SLC20A1: variants seen among roughly 807,000 people sequenced by gnomAD.
SLC20A1 encodes solute carrier family 20 member 1.
A neutral mutation model predicts 62.7 loss-of-function variants in SLC20A1; 28 were observed. That is an observed-to-expected ratio of 0.45 (90% CI 0.33 to 0.61). The LOEUF (loss-of-function observed/expected upper bound fraction) is 0.61. Among genes scored for constraint, SLC20A1 ranks in the 20% least tolerant of loss-of-function variants. The probability of loss-of-function intolerance (pLI) is 0.02; values close to 1 mark genes in which losing one functional copy is unlikely to be tolerated. For synonymous variants in SLC20A1, 305 were observed against 302.9 expected (o/e 1.01, Z -0.07); for missense variants, 673 against 838.6 (o/e 0.80, Z 2.44).
rs767239592 is a variant in SLC20A1 at position 112,663,752 on chromosome 2, G to A, written c.*727G>A. 3.9e-5 allele frequency: 6 copies of A among 153,064 alleles called. No individual in the cohort carries two copies. Among genetic ancestry groups the A allele is most frequent in the Admixed American group, 1.3e-4 (2 of 15,308 alleles). The allele number at this position is 153,064 out of a possible 1,614,324, so 9.5% of individuals were successfully genotyped here. On this transcript the variant is annotated 3_prime_UTR_variant, in exon 11 of 11. Transcript: ENST00000272542. ...GAAGTGGAATGTGAACTTTGGGCAA[G>A]TTAAGTGGGACAGCCTTCCATGTTC... is the stretch of plus-strand genomic sequence containing the variant.
intron 5 of SLC20A1, among the ~76,000 whole-genome samples, chr2:112,655,940 C>T: frequency 6.6e-6 from 1 of 151,848 alleles, no homozygotes. Flanking sequence ...ACCTCAGGTG[C>T]TCCACCTGTC....
intron 8 of SLC20A1, 102 bp downstream of exon 8, chr2:112,659,864 A>G (rs1294180616): frequency 5.3e-6 from 5 of 935,330 alleles, no homozygotes; most frequent in African/African-American, 3.3e-5. Context: ...CATTTACAGG[A>G]CCCCAAATAA....
chr2:112,657,733 A>G (rs1259883290), intron 6 of SLC20A1, among the ~76,000 whole-genome samples: 1 of 152,254 alleles, frequency 6.6e-6, no homozygotes, highest in African/African-American at 2.4e-5. Context: ...GCTAGAATAC[A>G]TGTAGACATT....
chr2:112,661,157 A>G lies in SLC20A1; in HGVS notation c.1809A>G (p.Glu603=). Residue 603 remains glutamate (E), a synonymous_variant, in exon 10 of 11, where the codon GAA becomes GAG. Transcript: ENST00000272542. ...PITPSSGFSI[E]LASALTVVIA... is the part of the protein sequence containing the mutation. ...GTGTCTGTAGTGGCTTCAGTATTGA[A>G]CTGGCATCTGCCCTCACTGTGGTGA... 1 of 1,614,036 alleles carries G rather than the reference A, an allele frequency of 6.2e-7. No individual in the cohort carries two copies. The highest frequency in any genetic ancestry group is 1.3e-5 in the African/African-American group (1 of 75,064).
intron 9 of SLC20A1, 66 bp downstream of exon 9, chr2:112,660,638 A>G: frequency 5.1e-6 from 7 of 1,359,282 alleles, no homozygotes; most frequent in Non-Finnish European, 6.0e-6. Context: ...AACACTGTCG[A>G]GTGCTAACAC....
intron 5 of SLC20A1, among the ~76,000 whole-genome samples, chr2:112,655,352 G>T (rs1163629720): frequency 1.3e-5 from 2 of 151,906 alleles, no homozygotes; most frequent in Admixed American, 1.3e-4. Context: ...TGACTTCATG[G>T]TTCAACCTTC....
chr2:112,650,721 T>C (rs1305644112), intron 4 of SLC20A1, among the ~76,000 whole-genome samples: 1 of 152,048 alleles, frequency 6.6e-6, no homozygotes, highest in Admixed American at 6.5e-5. Context: ...CCTCCCAGGC[T>C]CAAGTGATCC....
At chr2:112,649,304 T>C (rs1431739012) in intron 4 of SLC20A1, among the ~76,000 whole-genome samples, 1 of 152,232 alleles carries the variant, frequency 6.6e-6, no homozygotes, top group Non-Finnish European at 1.5e-5. Context: ...ATTGGCATAG[T>C]GTTTAAAACA....
chr2:112,653,037 G>C, intron 5 of SLC20A1: 2 of 905,202 alleles, frequency 2.2e-6, no homozygotes, highest in Non-Finnish European at 3.4e-6. Context: ...AGTCTTCACA[G>C]GATCCACTGA....
chr2:112,655,552 T>C (rs1417184510), intron 5 of SLC20A1, among the ~76,000 whole-genome samples: 2 of 151,800 alleles, frequency 1.3e-5, no homozygotes, highest in Non-Finnish European at 2.9e-5. Flanking sequence ...ACCTTTTTTG[T>C]TTTTCAGGGA....
rs769550112 is a variant in SLC20A1, at chr2:112,647,040, C to T, written c.212C>T (p.Thr71Ile). The T allele has an allele frequency of 5.0e-6, 8 of 1,614,054 alleles. No individual in the cohort carries two copies. The highest frequency in any genetic ancestry group is 6.8e-6 in the Non-Finnish European group (8 of 1,180,044). Reference sequence around the variant, plus strand: ...TGCATCCTAGCTAGCATCTTTGAAACAGTGGGCTCTGTCTTACTGGGGGCC... The same window carrying T: ...TGCATCCTAGCTAGCATCTTTGAAATAGTGGGCTCTGTCTTACTGGGGGCC... ...QACILASIFE[T>I]VGSVLLGAKV... Residue 71 changes from threonine to isoleucine, a missense_variant, in exon 2 of 11, where the codon ACA becomes ATA. Transcript: ENST00000272542.
chr2:112,654,839 T>A (rs1686538441), intron 5 of SLC20A1, among the ~76,000 whole-genome samples: 1 of 141,106 alleles, frequency 7.1e-6, no homozygotes, highest in African/African-American at 2.7e-5. Flanking sequence ...GAGGTTGCAG[T>A]GAGCCAAGAT....
intron 5 of SLC20A1, among the ~76,000 whole-genome samples, chr2:112,656,451 A>G (rs1686592066): frequency 6.6e-6 from 1 of 150,416 alleles, no homozygotes; most frequent in African/African-American, 2.4e-5. Flanking sequence ...TCTGCCTGCC[A>G]CGGCCTCCCA....
rs372152653 is a variant in SLC20A1 at position 112,657,168 on chromosome 2, G to T, written c.705G>T (p.Ser235=). ...KLPLWGTILI[S]VGCAVFCALI... Reference sequence around the variant, plus strand: ...CTCTGTGGGGTACCATCCTCATCTCGGTGGGATGTGCAGTTTTCTGTGCCC... The same window carrying T: ...CTCTGTGGGGTACCATCCTCATCTCTGTGGGATGTGCAGTTTTCTGTGCCC... Residue 235 remains serine (S), a synonymous_variant, in exon 6 of 11, where the codon TCG becomes TCT. Coordinates refer to ENST00000272542, the MANE Select transcript of SLC20A1 (RefSeq NM_005415.5). 1.1e-5 allele frequency: 18 copies of T among 1,613,830 alleles called. No homozygotes were observed. The highest frequency in any genetic ancestry group is 1.7e-5 in the Admixed American group (1 of 59,980).
rs1347519791 is a variant in SLC20A1 at position 112,663,185 on chromosome 2, T to C, written c.*160T>C. On this transcript the variant is annotated 3_prime_UTR_variant, in exon 11 of 11. Transcript: ENST00000272542. ...ACTTGTGCTATAACTGCTTTTGTGC[T>C]AAATATGAATTGTCTCAAAATTAGC... 1.2e-6 allele frequency: 1 copy of C among 859,274 alleles called. No homozygotes were observed. The highest frequency in any genetic ancestry group is 2.0e-6 in the Non-Finnish European group (1 of 510,882). The allele number at this position is 859,274 out of a possible 1,614,324, so 53.2% of individuals were successfully genotyped here.
At chr2:112,650,539 C>T (rs1434867863) in intron 4 of SLC20A1, among the ~76,000 whole-genome samples, 1 of 151,902 alleles carries the variant, frequency 6.6e-6, no homozygotes. Flanking sequence ...CCACGTTGGT[C>T]AAGCTGGTCT....
Position 112,651,187 on chromosome 2 carries a change from C to G in SLC20A1, c.562-1515C>G, listed in dbSNP as rs368320512. On this transcript the variant is annotated intron_variant, in intron 4 of 10. Transcript: ENST00000272542. The stretch of plus-strand genomic sequence containing the variant: ...CTGCTAATTTGAAATGGTACCTTTA[C>G]TTTACACATGGGTCTGAGCTTTCCC... Among the ~76,000 whole-genome samples the G allele has an allele frequency of 8.9e-4, 135 of 152,260 alleles. 2 individuals carry two copies. The highest frequency in any genetic ancestry group is 3.0e-3 in the African/African-American group (125 of 41,548).
rs755045087 is a variant in SLC20A1, at chr2:112,659,214, G to T, written c.1059G>T (p.Gln353His). ...GGTGATCTTGACTAGGTGCAGTGCA[G>T]TTGCCTAATGGGAACCTTGTCCAGT... Reference protein sequence around the residue: ...SIDSTVNGAVQLPNGNLVQFS... With the variant: ...SIDSTVNGAVHLPNGNLVQFS... The change falls in exon 8 of 11, where the codon CAG becomes CAT. Residue 353 changes from glutamine (Q) to histidine (H), a missense_variant. Coordinates refer to ENST00000272542, the MANE Select transcript of SLC20A1 (RefSeq NM_005415.5). 9.3e-6 allele frequency: 15 copies of T among 1,613,188 alleles called. No homozygotes were observed. Among genetic ancestry groups the T allele is most frequent in the Non-Finnish European group, 1.3e-5 (15 of 1,179,224 alleles).
At chr2:112,647,911 T>G (rs532174896) in intron 4 of SLC20A1, among the ~76,000 whole-genome samples, 173 bp downstream of exon 4, 1 of 152,234 alleles carries the variant, frequency 6.6e-6, no homozygotes, top group African/African-American at 2.4e-5. Context: ...GAAAGCGAGT[T>G]TTTAATACTC....
Sources: gnomAD v4.1 joint callset for allele counts (sites outside exome capture counted in the v4.1 genomes callset) on GRCh38, gnomAD v4.1.1 for gene constraint, MANE v1.5 for transcripts, NCBI Gene and HGNC (gene_info 2026-07-23, HGNC 2026-07-21) for gene names.